The following EIF4ENIF1 variants were observed in gnomAD, a reference collection of about 807,000 sequenced individuals.
EIF4ENIF1 encodes eukaryotic translation initiation factor 4E transporter.
EIF4ENIF1 carries 23 observed loss-of-function variants against 110.5 expected under a neutral mutation model. The observed-to-expected ratio is 0.21, with a 90% CI of 0.15 to 0.29. The LOEUF (loss-of-function observed/expected upper bound fraction) is 0.29. EIF4ENIF1 is among the 10% of genes least tolerant of loss of function. EIF4ENIF1 has a pLI of 1.00. For missense variants in EIF4ENIF1, 1,031 were observed against 1,221.1 expected, an observed-to-expected ratio of 0.84 and a Z score of 2.32; for synonymous variants, 440 against 437.0, an observed-to-expected ratio of 1.01 and a Z score of -0.09.
At position 31,480,210 on chromosome 22, in the gene EIF4ENIF1, C is replaced by G. The variant is rs147621546; in HGVS notation, c.97-8293G>C. Among the ~76,000 whole-genome samples, 18 of 152,278 alleles carry G rather than the reference C, an allele frequency of 1.2e-4. No individual in the cohort carries two copies. The East Asian group carries it at 3.3e-3, about 28-fold the overall frequency. On this transcript the variant is annotated intron_variant, in intron 2 of 18. Coordinates refer to ENST00000330125, the MANE Select transcript of EIF4ENIF1 (RefSeq NM_019843.4). ...AAACATATTTTCTTAGTTGCAGCAG[C>G]CTTCCTTAAAGAAAATGTGTCAAGG...
rs974831568 is a variant in EIF4ENIF1, at chr22:31,474,557, T to C, written c.97-2640A>G. ...TTTTGTATTCATCCTGTCCCAGCCC[T>C]GGAATCAGCTATTTCTGAGAAATCC... On this transcript the variant is annotated intron_variant, in intron 2 of 18. Transcript: ENST00000330125. 2.6e-5 allele frequency among the ~76,000 whole-genome samples: 4 copies of C among 151,892 alleles called. No homozygotes were observed. In the East Asian group the frequency reaches 7.7e-4, roughly 29 times the overall value.
At chr22:31,450,603 T>A (rs2050615796) in intron 10 of EIF4ENIF1, 3 of 369,226 alleles carry the variant, frequency 8.1e-6, no homozygotes, top group Non-Finnish European at 1.5e-5. Context: ...ATGCTAATCC[T>A]AAGTCCATTT....
At chr22:31,455,704 A>G in intron 8 of EIF4ENIF1, 148 bp downstream of exon 8, 1 of 1,106,614 alleles carries the variant, frequency 9.0e-7, no homozygotes, top group South Asian at 1.7e-5. Context: ...GGCCCCTTCA[A>G]CAATATTAAA....
intron 4 of EIF4ENIF1, among the ~76,000 whole-genome samples, chr22:31,467,149 T>G (rs180895988): frequency 3.3e-5 from 5 of 152,342 alleles, no homozygotes; most frequent in Non-Finnish European, 7.3e-5. Context: ...TGTTGGATAT[T>G]TAGGTTCCTT....
intron 2 of EIF4ENIF1, among the ~76,000 whole-genome samples, chr22:31,477,357 C>CAAAAAAAA (rs749894840): frequency 5.1e-4 from 24 of 46,836 alleles, no homozygotes; most frequent in East Asian, 1.1e-3. Flanking sequence ...CCTCTGTCTC[C>CAAAAAAAA]AAAAAAAAAA....
chr22:31,490,800 T>G (rs2052250892), upstream of EIF4ENIF1, among the ~76,000 whole-genome samples: 1 of 152,148 alleles, frequency 6.6e-6, no homozygotes, highest in African/African-American at 2.4e-5. Context: ...AGCGTTGGTG[T>G]GAAGCGATAC....
chr22:31,441,921 T>C lies in EIF4ENIF1; in HGVS notation c.2404A>G (p.Thr802Ala). Reference sequence around the variant, plus strand: ...TGGTGGACAGGGCGGAGAAAAGGTGTTGTAGGAACTGGGGATGCCAAGGTG... The same window carrying C: ...TGGTGGACAGGGCGGAGAAAAGGTGCTGTAGGAACTGGGGATGCCAAGGTG... ...TPTLASPVPT[T>A]PFLRPVHQVP... Residue 802 changes from threonine (T) to alanine (A), a missense_variant, in exon 17 of 19, where the codon ACA becomes GCA. Around this residue, in one of 3 missense-constraint regions of EIF4ENIF1, gnomAD observed 309 missense variants for 299.1 expected, o/e 1.03. Coordinates refer to ENST00000330125, the MANE Select transcript of EIF4ENIF1 (RefSeq NM_019843.4). The C allele has an allele frequency of 6.2e-7, 1 of 1,614,066 alleles. No individual in the cohort carries two copies. The highest frequency in any genetic ancestry group is 8.5e-7 in the Non-Finnish European group (1 of 1,180,004).
chr22:31,451,454 T>C (rs1178762214), intron 10 of EIF4ENIF1, among the ~76,000 whole-genome samples: 2 of 151,482 alleles, frequency 1.3e-5, no homozygotes, highest in Non-Finnish European at 2.9e-5. Flanking sequence ...TTTTTTTTTT[T>C]CAGTAGAGAC....
At chr22:31,444,844 C>G (rs989578683) in intron 14 of EIF4ENIF1, among the ~76,000 whole-genome samples, 154 bp from the exon 15 acceptor site, 3 of 152,160 alleles carry the variant, frequency 2.0e-5, no homozygotes, top group Non-Finnish European at 4.4e-5. Context: ...TACACAAAAG[C>G]ACATGCTAAG....
chr22:31,471,536 G>A (rs948313895), intron 3 of EIF4ENIF1, among the ~76,000 whole-genome samples: 137 of 152,196 alleles, frequency 9.0e-4, no homozygotes, highest in African/African-American at 3.1e-3. Flanking sequence ...GGATGGTCTC[G>A]ATCTCCTGAC....
rs1263011375 is a variant in EIF4ENIF1 at position 31,456,321 on chromosome 22, T to C, written c.964-334A>G. 4.0e-5 allele frequency among the ~76,000 whole-genome samples: 6 copies of C among 151,680 alleles called. No homozygotes were observed. In the East Asian group the frequency reaches 5.8e-4, roughly 15 times the overall value. ...TCACTGCAAGCTCCGCCTCCCGGGT[T>C]CACACCATTCTCCTGCCTCAGCCTC... On this transcript the variant is annotated intron_variant, in intron 7 of 18. Transcript: ENST00000330125.
At chr22:31,456,355 C>T (rs1327697900) in intron 7 of EIF4ENIF1, among the ~76,000 whole-genome samples, 1 of 151,756 alleles carries the variant, frequency 6.6e-6, no homozygotes, top group East Asian at 1.9e-4. Context: ...TCCTGAGTAG[C>T]TGGGACTACA....
upstream of EIF4ENIF1, among the ~76,000 whole-genome samples, chr22:31,491,968 C>G (rs2052290902): frequency 6.6e-6 from 1 of 152,202 alleles, no homozygotes; most frequent in Non-Finnish European, 1.5e-5. Flanking sequence ...GGGCTGGTTC[C>G]TGCTGGGACG....
intron 3 of EIF4ENIF1, among the ~76,000 whole-genome samples, chr22:31,470,205 CT>C (rs57796072): frequency 1 from 147,553 of 147,556 alleles, 73,775 homozygotes; most frequent in Non-Finnish European, 1. Context: ...AACTAATTGG[CT>C]ATAGCCATTA....
intron 4 of EIF4ENIF1, among the ~76,000 whole-genome samples, chr22:31,465,062 G>A (rs1019567593): frequency 1.4e-4 from 21 of 152,054 alleles, no homozygotes; most frequent in Non-Finnish European, 2.4e-4. Flanking sequence ...AGTGGCTCAC[G>A]CCTGTAATCC....
chr22:31,466,572 A>C (rs984960290), intron 4 of EIF4ENIF1, among the ~76,000 whole-genome samples: 4 of 142,458 alleles, frequency 2.8e-5, no homozygotes, highest in Non-Finnish European at 6.0e-5. Context: ...ACAGAGGGAG[A>C]CTCTGTCTCA....
At chr22:31,471,766 C>T (rs753978299) in intron 3 of EIF4ENIF1, 78 bp downstream of exon 3, 15 of 1,288,374 alleles carry the variant, frequency 1.2e-5, no homozygotes, top group Non-Finnish European at 1.5e-5. Context: ...CAAAACAATA[C>T]AATTCTTAAT....
intron 6 of EIF4ENIF1, among the ~76,000 whole-genome samples, chr22:31,462,374 T>C (rs544489587): frequency 6.6e-6 from 1 of 151,664 alleles, no homozygotes; most frequent in African/African-American, 2.4e-5. Flanking sequence ...TCCCAGCTAC[T>C]CGGGAGGCTG....
At chr22:31,441,550 G>GAAAAAAAAAAAAAAAAAAAAAAAAAAAAA (rs771597260) in intron 17 of EIF4ENIF1, among the ~76,000 whole-genome samples, 7 of 65,258 alleles carry the variant, frequency 1.1e-4, no homozygotes, top group African/African-American at 3.5e-4. Flanking sequence ...CTACAAAAAG[G>GAAAAAAAAAAAAAAAAAAAAAAAAAAAAA]AAAAAAAAAA....
Sources: gnomAD v4.1 joint callset for allele counts (sites outside exome capture counted in the v4.1 genomes callset) on GRCh38, gnomAD v4.1.1 for gene constraint, gnomAD v4.1.1 regional missense constraint, MANE v1.5 for transcripts, NCBI Gene and HGNC (gene_info 2026-07-23, HGNC 2026-07-21) for gene names.